Variants in TSPAN8 observed in about 807,000 individuals in gnomAD.
The protein encoded by TSPAN8 is tetraspanin-8.
A neutral mutation model predicts 32.8 loss-of-function variants in TSPAN8; 21 were observed. The ratio of observed to expected loss-of-function variants is 0.64; its 90% CI spans 0.45 to 0.92. The LOEUF (loss-of-function observed/expected upper bound fraction) is 0.92, where lower values mean the gene tolerates loss of function less well. TSPAN8 is among the 40% of genes least tolerant of loss of function. The pLI is 0.00. For synonymous variants in TSPAN8, 95 were observed against 94.6 expected, an observed-to-expected ratio of 1.00 and a Z score of -0.03; for missense variants, 269 against 281.9, an observed-to-expected ratio of 0.95 and a Z score of 0.33.
intron 6 of TSPAN8, among the ~76,000 whole-genome samples, chr12:71,136,994 G>T (rs1272491250): frequency 6.6e-6 from 1 of 152,184 alleles, no homozygotes; most frequent in African/African-American, 2.4e-5. Context: ...AAGAGAGGTG[G>T]ATGTGGTTGC....
intron 8 of TSPAN8, among the ~76,000 whole-genome samples, chr12:71,125,680 C>T (rs985236966): frequency 3.3e-5 from 5 of 152,114 alleles, no homozygotes; most frequent in Non-Finnish European, 7.4e-5. Flanking sequence ...GGACCTACTC[C>T]CTTTTCTGGA....
chr12:71,148,890 C>T (rs996405195), intron 2 of TSPAN8, among the ~76,000 whole-genome samples: 4 of 152,104 alleles, frequency 2.6e-5, no homozygotes, highest in African/African-American at 9.7e-5. Flanking sequence ...CTCTTATGGC[C>T]TCCATTCACT....
At chr12:71,137,198 T>A (rs1260435869) in intron 6 of TSPAN8, among the ~76,000 whole-genome samples, 1 of 152,170 alleles carries the variant, frequency 6.6e-6, no homozygotes, top group African/African-American at 2.4e-5. Flanking sequence ...GAAGATCTCT[T>A]GAGCCCTGGT....
At chr12:71,151,416 T>C (rs1164909021) in intron 2 of TSPAN8, among the ~76,000 whole-genome samples, 1 of 152,238 alleles carries the variant, frequency 6.6e-6, no homozygotes, top group Non-Finnish European at 1.5e-5. Flanking sequence ...TTCTAATTTT[T>C]AAATAACTCT....
chr12:71,126,325 T>C (rs1871348240), intron 8 of TSPAN8, among the ~76,000 whole-genome samples: 1 of 152,220 alleles, frequency 6.6e-6, no homozygotes, highest in Non-Finnish European at 1.5e-5. Flanking sequence ...TAATTTCCAT[T>C]CAAAATGTGC....
chr12:71,153,716 G>A (rs182400322), intron 2 of TSPAN8, among the ~76,000 whole-genome samples: 9 of 152,252 alleles, frequency 5.9e-5, no homozygotes, highest in East Asian at 5.8e-4. Flanking sequence ...GAGCATAGAC[G>A]GGAGAGTAGA....
Position 71,129,344 on chromosome 12 carries a change from A to C in TSPAN8, c.647T>G (p.Leu216Arg). Residue 216 changes from leucine to arginine, a missense_variant, in exon 8 of 9, where the codon CTG becomes CGG. By Grantham distance (102) the Leu-to-Arg change is moderately radical. Transcript: ENST00000247829. ...ATTATACTGTACCTCAATAACTGCC[A>C]GTCCAAATGATATTCCAATAACTAT... Reference protein sequence around the residue: ...LIIVIGISFGLAVIEILGLVF... With the variant: ...LIIVIGISFGRAVIEILGLVF... 6.3e-7 allele frequency: 1 copy of C among 1,583,812 alleles called. No individual in the cohort carries two copies. Among genetic ancestry groups the C allele is most frequent in the Non-Finnish European group, 8.6e-7 (1 of 1,166,266 alleles).
At chr12:71,151,723 A>G (rs1168946949) in intron 2 of TSPAN8, among the ~76,000 whole-genome samples, 1 of 152,246 alleles carries the variant, frequency 6.6e-6, no homozygotes, top group African/African-American at 2.4e-5. Flanking sequence ...GGAAGTTATA[A>G]CTCAAGGTAA....
intron 2 of TSPAN8, 43 bp downstream of exon 2, chr12:71,157,576 C>A: frequency 7.6e-7 from 1 of 1,321,116 alleles, no homozygotes; most frequent in African/African-American, 1.5e-5. Context: ...TATCAAGATC[C>A]CCTTTCTTGC....
chr12:71,151,277 A>T (rs1872247633), intron 2 of TSPAN8, among the ~76,000 whole-genome samples: 1 of 151,950 alleles, frequency 6.6e-6, no homozygotes, highest in South Asian at 2.1e-4. Context: ...GTTAGCCGGG[A>T]TGGTCTCGAT....
chr12:71,157,514 C>G, intron 2 of TSPAN8, 105 bp downstream of exon 2: 1 of 757,584 alleles, frequency 1.3e-6, no homozygotes, highest in Admixed American at 2.2e-5. Flanking sequence ...AATACATTTT[C>G]CCCCTTCTCT....
chr12:71,143,544 A>G (rs975869161), intron 3 of TSPAN8, among the ~76,000 whole-genome samples: 3 of 152,196 alleles, frequency 2.0e-5, no homozygotes, highest in African/African-American at 7.2e-5. Context: ...TTATACATAT[A>G]GCAATAATCT....
intron 2 of TSPAN8, among the ~76,000 whole-genome samples, chr12:71,153,134 C>A (rs1872312048): frequency 6.6e-6 from 1 of 152,128 alleles, no homozygotes; most frequent in African/African-American, 2.4e-5. Flanking sequence ...ATCCACGAGC[C>A]AAAGGCCCCA....
intron 4 of TSPAN8, 68 bp downstream of exon 4, chr12:71,139,642 AC>A: frequency 3.2e-6 from 5 of 1,549,382 alleles, no homozygotes; most frequent in Non-Finnish European, 4.4e-6. Context: ...CTTTTAACAG[AC>A]AATAGGGATG....
intron 6 of TSPAN8, among the ~76,000 whole-genome samples, chr12:71,135,227 A>G (rs1871645009): frequency 1.8e-5 from 1 of 54,590 alleles, no homozygotes; most frequent in African/African-American, 4.4e-5. Context: ...AGGAGGAAGA[A>G]GAAGGAGGAG....
intron 6 of TSPAN8, among the ~76,000 whole-genome samples, chr12:71,133,834 A>G (rs975448343): frequency 6.6e-6 from 1 of 152,176 alleles, no homozygotes; most frequent in African/African-American, 2.4e-5. Context: ...GGAGAAAGAA[A>G]GATAATTATC....
chr12:71,157,788 C>T lies in TSPAN8; in HGVS notation c.-109-1G>A, dbSNP rs1303865901. 3.9e-6 allele frequency: 3 copies of T among 778,596 alleles called. No homozygotes were observed. The highest frequency in any genetic ancestry group is 2.1e-5 in the Admixed American group (1 of 46,732). 48.2% of individuals were successfully genotyped at this position (778,596 alleles called of 1,614,324 possible). A position where few individuals can be genotyped will look rare whatever the true frequency, so the allele number is the denominator to read the frequency against. Reference sequence around the variant, plus strand: ...CCTGCAGAGATTTCTGTATCCACGGCTTCAGAGCAGAAAGAGAAAGCAAAG... The same window carrying T: ...CCTGCAGAGATTTCTGTATCCACGGTTTCAGAGCAGAAAGAGAAAGCAAAG... On this transcript the variant is annotated splice_acceptor_variant, in intron 1 of 8. Transcript: ENST00000247829. LOFTEE classifies it low-confidence loss of function (5UTR_SPLICE).
At chr12:71,132,571 T>C (rs1871549839) in intron 7 of TSPAN8, 122 bp downstream of exon 7, 4 of 1,206,752 alleles carry the variant, frequency 3.3e-6, no homozygotes, top group Non-Finnish European at 4.6e-6. Context: ...TTGGGAAATT[T>C]CTGAGATTTT....
At position 71,125,107 on chromosome 12, in the gene TSPAN8, G is replaced by A. The variant is rs146669328; in HGVS notation, c.*227C>T. 1.3e-3 allele frequency: 552 copies of A among 440,994 alleles called. No homozygotes were observed. The highest frequency in any genetic ancestry group is 3.1e-3 in the Middle Eastern group (5 of 1,636). 27.3% of individuals were successfully genotyped at this position (440,994 alleles called of 1,614,324 possible). A position where few individuals can be genotyped will look rare whatever the true frequency, so the allele number is the denominator to read the frequency against. ...ACATAGAAAAGCACCAACGTAAACAGTTACTTTTATTTTGAGTAAAAATAC... is the reference window on the plus strand; with the variant it reads ...ACATAGAAAAGCACCAACGTAAACAATTACTTTTATTTTGAGTAAAAATAC... On this transcript the variant is annotated 3_prime_UTR_variant, in exon 9 of 9. Coordinates refer to ENST00000247829, the MANE Select transcript of TSPAN8 (RefSeq NM_004616.3).
Sources: gnomAD v4.1 joint callset for allele counts (sites outside exome capture counted in the v4.1 genomes callset) on GRCh38, gnomAD v4.1.1 for gene constraint, MANE v1.5 for transcripts, NCBI Gene and HGNC (gene_info 2026-07-23, HGNC 2026-07-21) for gene names.